Variants in FBXW7 observed in about 807,000 individuals in gnomAD.
The protein encoded by FBXW7 is F-box and WD repeat domain containing 7.
FBXW7 carries 11 observed loss-of-function variants against 86.3 expected under a neutral mutation model. That is an observed-to-expected ratio of 0.13 (90% CI 0.08 to 0.21). FBXW7 has a LOEUF of 0.21. FBXW7 is among the 10% of genes least tolerant of loss of function. The pLI is 1.00. For synonymous variants in FBXW7, 313 were observed against 297.9 expected (o/e 1.05, Z -0.52); for missense variants, 488 against 847.4 (o/e 0.58, Z 5.27).
At position 152,535,928 on chromosome 4, in the gene FBXW7, G is replaced by C. The variant is rs1750520983; in HGVS notation, c.-1014C>G. On this transcript the variant is annotated 5_prime_UTR_variant, in exon 1 of 14. Coordinates refer to ENST00000281708, the MANE Select transcript of FBXW7 (RefSeq NM_001349798.2). ...CCGCGGCTCCCGCTGGCCCAGGTGA[G>C]AGCGAAGGTCTCGGCGGCGGCCAGT... 6.0e-6 allele frequency: 2 copies of C among 331,282 alleles called. No homozygotes were observed. Among genetic ancestry groups the C allele is most frequent in the African/African-American group, 2.1e-5 (1 of 46,738 alleles). 20.5% of individuals were successfully genotyped at this position (331,282 alleles called of 1,614,324 possible). A position where few individuals can be genotyped will look rare whatever the true frequency, so the allele number is the denominator to read the frequency against.
At chr4:152,443,960 T>A (rs1741136780) in intron 2 of FBXW7, among the ~76,000 whole-genome samples, 1 of 152,206 alleles carries the variant, frequency 6.6e-6, no homozygotes, top group Non-Finnish European at 1.5e-5. Flanking sequence ...CATAATATCA[T>A]CATCCAGAGA....
At chr4:152,445,937 A>AAC (rs1741348043) in intron 2 of FBXW7, among the ~76,000 whole-genome samples, 2 of 132,458 alleles carry the variant, frequency 1.5e-5, no homozygotes, top group African/African-American at 3.0e-5. Flanking sequence ...AAAAAAAAAA[A>AAC]AAAAACCAAA....
intron 2 of FBXW7, among the ~76,000 whole-genome samples, chr4:152,443,115 AG>A (rs1242862545): frequency 1.1e-4 from 17 of 152,092 alleles, no homozygotes; most frequent in African/African-American, 3.9e-4. Flanking sequence ...ATACAAAATT[AG>A]CCGGGCGTGG....
chr4:152,515,756 T>C (rs968530274), intron 2 of FBXW7, among the ~76,000 whole-genome samples: 3 of 150,764 alleles, frequency 2.0e-5, no homozygotes, highest in African/African-American at 7.3e-5. Context: ...CAACTCTCTT[T>C]TTTTTTTTTT....
chr4:152,478,248 G>A (rs1744594931), intron 2 of FBXW7, among the ~76,000 whole-genome samples: 1 of 151,766 alleles, frequency 6.6e-6, no homozygotes, highest in Non-Finnish European at 1.5e-5. Flanking sequence ...CTCACCCTAG[G>A]CCTTAGTAAC....
chr4:152,468,313 A>T (rs1260482903), intron 2 of FBXW7, among the ~76,000 whole-genome samples: 1 of 152,160 alleles, frequency 6.6e-6, no homozygotes. Flanking sequence ...CACAAAACTT[A>T]TATAAGAATG....
intron 2 of FBXW7, among the ~76,000 whole-genome samples, chr4:152,528,863 T>G (rs1170956849): frequency 2.0e-5 from 3 of 152,170 alleles, no homozygotes. Context: ...CTTTTAATAT[T>G]GCCTAAATTC....
intron 4 of FBXW7, among the ~76,000 whole-genome samples, chr4:152,354,501 G>T (rs1482731639): frequency 6.6e-6 from 1 of 152,058 alleles, no homozygotes; most frequent in African/African-American, 2.4e-5. Flanking sequence ...GTGGTAACAA[G>T]TTTTCCATAA....
At chr4:152,405,095 T>TAAA (rs11394424) in intron 4 of FBXW7, among the ~76,000 whole-genome samples, 170 of 78,758 alleles carry the variant, frequency 2.2e-3, no homozygotes, top group South Asian at 2.6e-3. Flanking sequence ...GACCTTGTCT[T>TAAA]AAAAAAAAAA....
intron 4 of FBXW7, among the ~76,000 whole-genome samples, chr4:152,357,981 G>A (rs774611286): frequency 9.2e-5 from 14 of 151,976 alleles, no homozygotes; most frequent in Non-Finnish European, 1.8e-4. Context: ...ACAGACAGCC[G>A]GCATCAGTGC....
At chr4:152,392,501 G>A (rs1376493168) in intron 4 of FBXW7, among the ~76,000 whole-genome samples, 2 of 152,122 alleles carry the variant, frequency 1.3e-5, no homozygotes, top group Non-Finnish European at 2.9e-5. Flanking sequence ...TCAGCCCTCA[G>A]CTGTTCTAGA....
chr4:152,506,490 C>G (rs1261945834), intron 2 of FBXW7, among the ~76,000 whole-genome samples: 3 of 152,206 alleles, frequency 2.0e-5, no homozygotes, highest in Non-Finnish European at 4.4e-5. Flanking sequence ...ATCACCACCA[C>G]AAACACATGA....
intron 4 of FBXW7, among the ~76,000 whole-genome samples, chr4:152,408,161 G>A (rs1186324644): frequency 1.3e-5 from 2 of 152,168 alleles, no homozygotes; most frequent in Admixed American, 1.3e-4. Context: ...CACTAAGATA[G>A]ATATGGAAGC....
At position 152,443,568 on chromosome 4, in the gene FBXW7, T is replaced by C. The variant is rs547510889; in HGVS notation, c.-119-31039A>G. On this transcript the variant is annotated intron_variant, in intron 2 of 13. Transcript: ENST00000281708. ...CGTGGCTACCCAACTGACTCCTGCATATAGTTGGCGGTCTTTTAAGAACCC... is the reference window on the plus strand; with the variant it reads ...CGTGGCTACCCAACTGACTCCTGCACATAGTTGGCGGTCTTTTAAGAACCC... Among the ~76,000 whole-genome samples, 5 of 152,186 alleles carry C rather than the reference T, an allele frequency of 3.3e-5. No individual in the cohort carries two copies. The East Asian group carries it at 9.6e-4, about 29-fold the overall frequency.
At chr4:152,371,110 T>A (rs928503296) in intron 4 of FBXW7, among the ~76,000 whole-genome samples, 4 of 152,052 alleles carry the variant, frequency 2.6e-5, no homozygotes, top group African/African-American at 9.6e-5. Flanking sequence ...GCTGGGCCTT[T>A]CCACTATTAT....
At chr4:152,420,417 T>C (rs965780682) in intron 2 of FBXW7, among the ~76,000 whole-genome samples, 3 of 152,168 alleles carry the variant, frequency 2.0e-5, no homozygotes, top group Non-Finnish European at 4.4e-5. Context: ...CTCTTATTAA[T>C]GCTGATATTT....
chr4:152,534,722 T>G (rs1018649398), intron 2 of FBXW7, among the ~76,000 whole-genome samples: 4 of 152,180 alleles, frequency 2.6e-5, no homozygotes, highest in Non-Finnish European at 5.9e-5. Context: ...GAGAAAAGAC[T>G]CCTCCGACAG....
At position 152,323,509 on chromosome 4, in the gene FBXW7, C is replaced by T. The variant is rs954507020; in HGVS notation, c.1856-360G>A. 2.2e-5 allele frequency: 6 copies of T among 278,028 alleles called. No individual in the cohort carries two copies. In the Admixed American group the frequency reaches 2.4e-4, roughly 11 times the overall value. The allele number at this position is 278,028 out of a possible 1,614,324, so 17.2% of individuals were successfully genotyped here. ...CAAATGAGCACTAAGAGATCTATTA[C>T]CCCACCACCATGAACCACTCAAAGC... On this transcript the variant is annotated intron_variant, in intron 13 of 13. Transcript: ENST00000281708.
rs370413277 is a variant in FBXW7, at chr4:152,326,277, C to A, written c.1419-46G>T. The A allele has an allele frequency of 5.5e-6, 8 of 1,466,224 alleles. No homozygotes were observed. In the East Asian group the frequency reaches 1.4e-4, roughly 25 times the overall value. 90.8% of individuals were successfully genotyped at this position (1,466,224 alleles called of 1,614,324 possible). ...AAACAAAACAAAACAAAAAAACCCA[C>A]GTTTAGAATTTTTAATAATATGAGA... On this transcript the variant is annotated intron_variant, in intron 11 of 13. Transcript: ENST00000281708.
Sources: allele counts gnomAD v4.1 joint callset (sites outside exome capture counted in the v4.1 genomes callset), GRCh38; gene constraint gnomAD v4.1.1; transcripts MANE v1.5; gene names NCBI Gene and HGNC (gene_info 2026-07-23, HGNC 2026-07-21).